Variants in REC114 observed in about 807,000 individuals in gnomAD.
The protein encoded by REC114 is meiotic recombination protein REC114.
In REC114, 27 loss-of-function variants were observed where a neutral mutation model predicts 31.3. That is an observed-to-expected ratio of 0.86 (90% confidence interval 0.64 to 1.19). The LOEUF (loss-of-function observed/expected upper bound fraction) is 1.19. Ranked by LOEUF, REC114 falls within the 50% of genes most tolerant of loss-of-function variation. The pLI is 0.00. For synonymous variants in REC114, 134 were observed against 127.7 expected (o/e 1.05, Z -0.33); for missense variants, 344 against 326.9 (o/e 1.05, Z -0.40).
chr15:73,502,289 T>C (rs1459660156), intron 2 of REC114, among the ~76,000 whole-genome samples: 2 of 152,154 alleles, frequency 1.3e-5, no homozygotes, highest in Non-Finnish European at 2.9e-5. Context: ...GGATTAAATT[T>C]CCATGGTAAC....
intron 3 of REC114, among the ~76,000 whole-genome samples, chr15:73,544,851 G>A (rs1894286998): frequency 6.6e-6 from 1 of 152,214 alleles, no homozygotes; most frequent in South Asian, 2.1e-4. Flanking sequence ...GGGTCTTAGT[G>A]GTAATGGAAA....
chr15:73,542,807 A>C (rs1296556241), intron 3 of REC114, among the ~76,000 whole-genome samples: 1 of 152,218 alleles, frequency 6.6e-6, no homozygotes, highest in Non-Finnish European at 1.5e-5. Context: ...GAAAACACTC[A>C]TAATGGCTTG....
intron 1 of REC114, among the ~76,000 whole-genome samples, chr15:73,470,101 G>C (rs1455391545): frequency 1.3e-5 from 2 of 152,026 alleles, no homozygotes; most frequent in Non-Finnish European, 2.9e-5. Context: ...TTTAATTGAG[G>C]TGTTTACATT....
chr15:73,448,569 A>T (rs1041058784), intron 1 of REC114, among the ~76,000 whole-genome samples: 6 of 152,238 alleles, frequency 3.9e-5, no homozygotes, highest in Admixed American at 1.3e-4. Flanking sequence ...CTGTGGGCAC[A>T]GCTTCAGCAG....
intron 3 of REC114, among the ~76,000 whole-genome samples, chr15:73,548,394 AC>A (rs1268962141): frequency 6.6e-6 from 1 of 152,228 alleles, no homozygotes; most frequent in African/African-American, 2.4e-5. Flanking sequence ...GGCATGAGTC[AC>A]TGTGCCCGGC....
At chr15:73,513,244 T>C (rs1595874533) in intron 2 of REC114, among the ~76,000 whole-genome samples, 1 of 151,738 alleles carries the variant, frequency 6.6e-6, no homozygotes, top group East Asian at 1.9e-4. Flanking sequence ...CATCGGCTCC[T>C]GAGGCTTCTG....
chr15:73,544,831 G>A (rs1464437928), intron 3 of REC114, among the ~76,000 whole-genome samples: 2 of 152,220 alleles, frequency 1.3e-5, no homozygotes, highest in Admixed American at 1.3e-4. Context: ...GGGGAAAACT[G>A]CTTCAGTTGG....
intron 2 of REC114, among the ~76,000 whole-genome samples, chr15:73,500,551 G>A (rs998779899): frequency 6.6e-6 from 1 of 152,162 alleles, no homozygotes; most frequent in Non-Finnish European, 1.5e-5. Flanking sequence ...GCATGGAGGA[G>A]CCTTCTAGGT....
At chr15:73,513,297 A>G (rs984316223) in intron 2 of REC114, among the ~76,000 whole-genome samples, 2 of 151,810 alleles carry the variant, frequency 1.3e-5, no homozygotes, top group South Asian at 2.1e-4. Context: ...CAGCTCCATC[A>G]GCTCCTTTAA....
At chr15:73,476,904 G>A (rs915182533) in intron 2 of REC114, among the ~76,000 whole-genome samples, 7 of 152,176 alleles carry the variant, frequency 4.6e-5, no homozygotes, top group East Asian at 1.9e-4. Flanking sequence ...GAGAAGAACC[G>A]CTGAGTCATA....
intron 2 of REC114, among the ~76,000 whole-genome samples, chr15:73,537,019 T>C (rs1010004512): frequency 1.3e-5 from 2 of 152,230 alleles, no homozygotes; most frequent in African/African-American, 4.8e-5. Context: ...TAATTAATTG[T>C]AATAAAGTGT....
At chr15:73,449,601 A>G (rs991714993) in intron 1 of REC114, among the ~76,000 whole-genome samples, 3 of 152,204 alleles carry the variant, frequency 2.0e-5, no homozygotes, top group African/African-American at 7.2e-5. Flanking sequence ...AACTTCCCCA[A>G]TCTAGCAAGG....
intron 1 of REC114, among the ~76,000 whole-genome samples, chr15:73,457,087 T>TC (rs1163809260): frequency 2.0e-5 from 3 of 148,610 alleles, no homozygotes; most frequent in Admixed American, 6.7e-5. Flanking sequence ...TTTTTTTTTT[T>TC]CCAGATAAGT....
chr15:73,468,666 A>G (rs1168161228), intron 1 of REC114, among the ~76,000 whole-genome samples: 4 of 150,446 alleles, frequency 2.7e-5, no homozygotes, highest in African/African-American at 9.8e-5. Flanking sequence ...TTTCAGTATG[A>G]AGTTAGCTGT....
chr15:73,493,631 A>G (rs890036645), intron 2 of REC114, among the ~76,000 whole-genome samples: 4 of 152,166 alleles, frequency 2.6e-5, no homozygotes, highest in African/African-American at 9.7e-5. Context: ...TTCCTTTCAA[A>G]TATTACATAA....
intron 2 of REC114, among the ~76,000 whole-genome samples, chr15:73,503,941 A>G (rs1404730737): frequency 6.6e-6 from 1 of 150,790 alleles, no homozygotes; most frequent in Admixed American, 6.6e-5. Flanking sequence ...TTTTATGTAG[A>G]TGAATTATGA....
intron 3 of REC114, among the ~76,000 whole-genome samples, chr15:73,547,634 A>T (rs1894328285): frequency 6.6e-6 from 1 of 152,224 alleles, no homozygotes; most frequent in Non-Finnish European, 1.5e-5. Flanking sequence ...AAGATATGGA[A>T]GCAACCTAAG....
chr15:73,461,922 C>CTT (rs961387922), intron 1 of REC114, among the ~76,000 whole-genome samples: 33 of 78,200 alleles, frequency 4.2e-4, no homozygotes, highest in African/African-American at 5.3e-4. Context: ...TTTTTCTTTT[C>CTT]TTTTTTTTTT....
At chr15:73,476,757 A>T (rs1893220729) in intron 2 of REC114, among the ~76,000 whole-genome samples, 1 of 152,106 alleles carries the variant, frequency 6.6e-6, no homozygotes, top group African/African-American at 2.4e-5. Context: ...GCATAGGTAA[A>T]CCTATTTTGC....
Sources: gnomAD v4.1 joint callset for allele counts (sites outside exome capture counted in the v4.1 genomes callset) on GRCh38, gnomAD v4.1.1 for gene constraint, MANE v1.5 for transcripts, NCBI Gene and HGNC (gene_info 2026-07-23, HGNC 2026-07-21) for gene names.